The following COL27A1 variants were observed in gnomAD, a reference collection of about 807,000 sequenced individuals.
The protein encoded by COL27A1 is collagen type XXVII alpha 1 chain, also known as collagen alpha-1(XXVII) chain.
In COL27A1, 106 loss-of-function variants were observed where a neutral mutation model predicts 251.3. The observed-to-expected ratio is 0.42, with a 90% CI of 0.36 to 0.50. COL27A1 has a LOEUF of 0.50. Ranked by LOEUF, COL27A1 falls within the 20% of genes least tolerant of loss-of-function variation. The pLI is 0.00. For synonymous variants in COL27A1, 1,000 were observed against 986.3 expected (o/e 1.01, Z -0.26); for missense variants, 2,325 against 2,522.8 (o/e 0.92, Z 1.68).
intron 19 of COL27A1, among the ~76,000 whole-genome samples, chr9:114,238,521 G>A (rs1982850): frequency 0.34 from 51,124 of 152,128 alleles, 9,592 homozygotes; most frequent in South Asian, 0.48. Flanking sequence ...AGACAAAAGT[G>A]TGGCTCTGTG....
chr9:114,162,359 C>T (rs753276020), intron 1 of COL27A1, among the ~76,000 whole-genome samples: 1 of 152,234 alleles, frequency 6.6e-6, no homozygotes, highest in African/African-American at 2.4e-5. Flanking sequence ...GGGGCTGGCC[C>T]CTGGTTGCTC....
chr9:114,252,550 C>T lies in COL27A1; in HGVS notation c.3034-43C>T, dbSNP rs761967126. The stretch of plus-strand genomic sequence containing the variant: ...ACCTGCCTCCCACAGAGCCACCCCA[C>T]AGCCATAGCCGTGACCTGCCTGCAT... On this transcript the variant is annotated intron_variant, in intron 25 of 60. Transcript: ENST00000356083. 2.5e-6 allele frequency: 4 copies of T among 1,593,668 alleles called. No individual in the cohort carries two copies. In the South Asian group the frequency reaches 3.3e-5, roughly 13 times the overall value.
chr9:114,172,667 G>A (rs187598019), intron 3 of COL27A1, among the ~76,000 whole-genome samples: 26 of 152,136 alleles, frequency 1.7e-4, no homozygotes, highest in African/African-American at 4.3e-4. Context: ...GGTGGTGTGC[G>A]CCTGTAATCC....
chr9:114,309,188 G>C, intron 59 of COL27A1, 72 bp from the exon 60 acceptor site: 1 of 1,248,380 alleles, frequency 8.0e-7, no homozygotes, highest in Non-Finnish European at 1.2e-6. Flanking sequence ...CCTCCATAGA[G>C]AGGCAGGGAA....
intron 14 of COL27A1, among the ~76,000 whole-genome samples, chr9:114,225,080 C>T (rs1376548322): frequency 6.6e-6 from 1 of 152,216 alleles, no homozygotes; most frequent in Non-Finnish European, 1.5e-5. Flanking sequence ...CATTGTTTAT[C>T]TGATATTCAA....
At chr9:114,260,327 T>C (rs1834229888) in intron 28 of COL27A1, among the ~76,000 whole-genome samples, 2 of 152,178 alleles carry the variant, frequency 1.3e-5, no homozygotes, top group Non-Finnish European at 2.9e-5. Flanking sequence ...TTGTCAGGAA[T>C]GCACAACCTA....
At position 114,225,834 on chromosome 9, in the gene COL27A1, C is replaced by T. The variant is rs1267541109; in HGVS notation, c.2466+3567C>T. Among the ~76,000 whole-genome samples, 5 of 152,244 alleles carry T rather than the reference C, an allele frequency of 3.3e-5. No homozygotes were observed. In the South Asian group the frequency reaches 6.2e-4, roughly 19 times the overall value. ...GGGTCCCTGCAGCCGGGAGGAAGGG[C>T]GTGAGAGGACAAACTAACATTTATT... On this transcript the variant is annotated intron_variant, in intron 14 of 60. Transcript: ENST00000356083.
chr9:114,171,050 A>G (rs1043115606), intron 3 of COL27A1, among the ~76,000 whole-genome samples: 23 of 152,184 alleles, frequency 1.5e-4, no homozygotes, highest in Non-Finnish European at 7.4e-5. Flanking sequence ...GGCAGATTCT[A>G]TAGTATCTTG....
At chr9:114,310,071 T>C (rs1038218694) in intron 60 of COL27A1, among the ~76,000 whole-genome samples, 6 of 152,020 alleles carry the variant, frequency 3.9e-5, no homozygotes, top group Non-Finnish European at 5.9e-5. Context: ...AGCTAAGCTA[T>C]GAAGACACAA....
At chr9:114,235,079 C>CAAAAA (rs34337576) in intron 16 of COL27A1, among the ~76,000 whole-genome samples, 11 of 88,200 alleles carry the variant, frequency 1.2e-4, no homozygotes, top group Non-Finnish European at 1.6e-4. Context: ...GACTCCATCT[C>CAAAAA]AAAAAAAAAA....
At chr9:114,277,637 G>C (rs1835592260) in intron 37 of COL27A1, among the ~76,000 whole-genome samples, 1 of 152,226 alleles carries the variant, frequency 6.6e-6, no homozygotes, top group Non-Finnish European at 1.5e-5. Flanking sequence ...CGAGGGCGCT[G>C]AGTCAGCCAG....
At chr9:114,208,115 G>T (rs991833686) in intron 10 of COL27A1, among the ~76,000 whole-genome samples, 1 of 152,172 alleles carries the variant, frequency 6.6e-6, no homozygotes. Flanking sequence ...GGCCTAAATG[G>T]TCTTACCTCT....
chr9:114,253,484 A>G (rs1265077624), intron 27 of COL27A1, among the ~76,000 whole-genome samples: 1 of 151,794 alleles, frequency 6.6e-6, no homozygotes, highest in Non-Finnish European at 1.5e-5. Flanking sequence ...AAAAGAAAAG[A>G]AAGGAAGGAA....
chr9:114,265,594 T>C, intron 32 of COL27A1, 119 bp downstream of exon 32: 1 of 966,180 alleles, frequency 1.0e-6, no homozygotes, highest in Non-Finnish European at 1.6e-6. Context: ...TAACCCGCTG[T>C]GGGCCAGGCC....
At chr9:114,301,539 C>T in intron 54 of COL27A1, 77 bp downstream of exon 54, 1 of 1,559,672 alleles carries the variant, frequency 6.4e-7, no homozygotes. Context: ...GTGGTACATT[C>T]TCTCCCTCCG....
chr9:114,221,952 G>A (rs973597665), intron 13 of COL27A1, among the ~76,000 whole-genome samples: 4 of 152,222 alleles, frequency 2.6e-5, no homozygotes, highest in Non-Finnish European at 5.9e-5. Flanking sequence ...TCGCGATTCC[G>A]CTCCTTCCTT....
At chr9:114,304,568 TG>T (rs769365618) in intron 56 of COL27A1, 39 bp from the exon 57 acceptor site, 5 of 1,606,300 alleles carry the variant, frequency 3.1e-6, no homozygotes, top group Admixed American at 1.7e-5. Flanking sequence ...TGGAGAACCC[TG>T]GGGGGCCACG....
chr9:114,263,783 A>G (rs10759689), intron 28 of COL27A1, among the ~76,000 whole-genome samples: 44,580 of 151,902 alleles, frequency 0.29, 7,268 homozygotes, highest in Admixed American at 0.4. Flanking sequence ...CCCTCGTGCA[A>G]AATCCTGCCC....
At chr9:114,282,830 C>T (rs912328678) in intron 39 of COL27A1, among the ~76,000 whole-genome samples, 1 of 152,226 alleles carries the variant, frequency 6.6e-6, no homozygotes, top group Non-Finnish European at 1.5e-5. Context: ...CTGAAGCCCT[C>T]TATGGACCCA....
Sources: gnomAD v4.1 joint callset for allele counts (sites outside exome capture counted in the v4.1 genomes callset) on GRCh38, gnomAD v4.1.1 for gene constraint, MANE v1.5 for transcripts, NCBI Gene and HGNC (gene_info 2026-07-23, HGNC 2026-07-21) for gene names.